Variants in KIAA0825 observed in about 807,000 individuals in gnomAD.
KIAA0825 encodes KIAA0825.
In KIAA0825, 119 loss-of-function variants were observed where a neutral mutation model predicts 147.6. The observed-to-expected ratio is 0.81, with a 90% CI of 0.69 to 0.94. The LOEUF (loss-of-function observed/expected upper bound fraction) is 0.94. Among genes scored for constraint, KIAA0825 ranks in the 40% least tolerant of loss-of-function variants. The pLI, the probability that KIAA0825 is intolerant of heterozygous loss-of-function variation, is 0.00. For synonymous variants in KIAA0825, 470 were observed against 518.1 expected (o/e 0.91, Z 1.26); for missense variants, 1,381 against 1,472.7 (o/e 0.94, Z 1.02).
chr5:94,293,105 A>G (rs983739636), intron 20 of KIAA0825, among the ~76,000 whole-genome samples: 23 of 149,936 alleles, frequency 1.5e-4, no homozygotes, highest in East Asian at 7.8e-4. Flanking sequence ...ACACGTCTCT[A>G]TCTCCTTCAG....
chr5:94,565,125 G>T (rs1778452316), intron 2 of KIAA0825, among the ~76,000 whole-genome samples: 1 of 58,860 alleles, frequency 1.7e-5, no homozygotes, highest in Admixed American at 1.6e-4. Context: ...GTAGAGATGA[G>T]GTCTCACACT....
At chr5:94,536,570 TATA>T (rs1469034598) in intron 3 of KIAA0825, among the ~76,000 whole-genome samples, 5 of 152,200 alleles carry the variant, frequency 3.3e-5, no homozygotes. Context: ...AACAACTCTC[TATA>T]AAGTCTCTAG....
intron 3 of KIAA0825, among the ~76,000 whole-genome samples, chr5:94,530,546 T>C (rs1031151452): frequency 2.6e-5 from 4 of 152,136 alleles, no homozygotes; most frequent in Non-Finnish European, 5.9e-5. Flanking sequence ...ATATTCCTAA[T>C]TATGGCATTC....
At chr5:94,554,491 G>T (rs1227106526) in intron 2 of KIAA0825, among the ~76,000 whole-genome samples, 5 of 151,388 alleles carry the variant, frequency 3.3e-5, no homozygotes, top group Non-Finnish European at 7.4e-5. Flanking sequence ...TTTTTATTTT[G>T]CCATTCATAT....
chr5:94,392,896 G>A (rs1397972608), intron 17 of KIAA0825, among the ~76,000 whole-genome samples: 4 of 151,998 alleles, frequency 2.6e-5, no homozygotes, highest in African/African-American at 7.3e-5. Context: ...ATATTCATTA[G>A]CTAGAGTAAA....
chr5:94,475,021 G>A lies in KIAA0825; in HGVS notation c.1228-1502C>T, dbSNP rs181872245. ...GGAGAATCGCTGGAACCTGGGAGGC[G>A]GAGGTTGCAGTGAGCCGAGATGGCA... is the stretch of plus-strand genomic sequence containing the variant. On this transcript the variant is annotated intron_variant, in intron 7 of 20. Coordinates refer to ENST00000682413, the MANE Select transcript of KIAA0825 (RefSeq NM_001145678.3). Among the ~76,000 whole-genome samples, 1,316 of 151,938 alleles carry A rather than the reference G, an allele frequency of 8.7e-3. 9 individuals carry two copies. The highest frequency in any genetic ancestry group is 0.022 in the South Asian group (104 of 4,808).
At chr5:94,166,581 C>A (rs540459394) in intron 20 of KIAA0825, among the ~76,000 whole-genome samples, 1 of 144,354 alleles carries the variant, frequency 6.9e-6, no homozygotes, top group Non-Finnish European at 1.5e-5. Flanking sequence ...GATCTCGGCT[C>A]ACTGCAAACT....
intron 20 of KIAA0825, among the ~76,000 whole-genome samples, chr5:94,232,547 G>A (rs1291167541): frequency 6.6e-6 from 1 of 151,888 alleles, no homozygotes; most frequent in Non-Finnish European, 1.5e-5. Context: ...TTTATGGAGG[G>A]ATTTTAATTT....
At chr5:94,500,231 A>T (rs1169063424) in intron 5 of KIAA0825, among the ~76,000 whole-genome samples, 1 of 152,176 alleles carries the variant, frequency 6.6e-6, no homozygotes, top group African/African-American at 2.4e-5. Flanking sequence ...AAGAGCTTTA[A>T]ATAGGGGAGT....
At chr5:94,430,264 T>C (rs1755489965) in intron 14 of KIAA0825, among the ~76,000 whole-genome samples, 1 of 152,216 alleles carries the variant, frequency 6.6e-6, no homozygotes, top group African/African-American at 2.4e-5. Flanking sequence ...TTTACCATTT[T>C]ATTTGCAGTC....
At chr5:94,448,577 T>G (rs561210172) in intron 13 of KIAA0825, among the ~76,000 whole-genome samples, 2 of 152,182 alleles carry the variant, frequency 1.3e-5, no homozygotes, top group Non-Finnish European at 2.9e-5. Flanking sequence ...AATAAATTAC[T>G]AAGTTCCTTC....
chr5:94,209,338 T>A (rs1322539151), intron 20 of KIAA0825, among the ~76,000 whole-genome samples: 2 of 152,202 alleles, frequency 1.3e-5, no homozygotes, highest in Non-Finnish European at 2.9e-5. Context: ...ATCTCTATTC[T>A]ACCAAAAACA....
chr5:94,182,555 C>T (rs1164821554), intron 20 of KIAA0825, among the ~76,000 whole-genome samples: 1 of 151,950 alleles, frequency 6.6e-6, no homozygotes, highest in Non-Finnish European at 1.5e-5. Flanking sequence ...CCACCATGCC[C>T]AGCCGTAAAT....
chr5:94,183,652 A>C (rs1455205865), intron 20 of KIAA0825, among the ~76,000 whole-genome samples: 1 of 152,136 alleles, frequency 6.6e-6, no homozygotes, highest in East Asian at 1.9e-4. Context: ...TATGTGATGA[A>C]ACCTCTATAA....
At chr5:94,612,956 ATT>A (rs1789300418) in intron 1 of KIAA0825, among the ~76,000 whole-genome samples, 1 of 152,206 alleles carries the variant, frequency 6.6e-6, no homozygotes, top group Non-Finnish European at 1.5e-5. Context: ...AGTTGATAGT[ATT>A]ACTTTACAGA....
At chr5:94,293,209 T>A (rs1483747215) in intron 20 of KIAA0825, among the ~76,000 whole-genome samples, 1 of 152,224 alleles carries the variant, frequency 6.6e-6, no homozygotes, top group African/African-American at 2.4e-5. Flanking sequence ...TGTTAGGGTA[T>A]CAATTTTAGA....
chr5:94,213,198 A>G (rs968189388), intron 20 of KIAA0825, among the ~76,000 whole-genome samples: 4 of 152,050 alleles, frequency 2.6e-5, no homozygotes, highest in African/African-American at 7.2e-5. Context: ...CTCCATCTCA[A>G]TGAATGACAG....
intron 20 of KIAA0825, among the ~76,000 whole-genome samples, chr5:94,345,913 G>C (rs941247280): frequency 6.6e-6 from 1 of 152,028 alleles, no homozygotes; most frequent in Non-Finnish European, 1.5e-5. Context: ...GAGCAAGCAG[G>C]GGGTACGTGA....
At chr5:94,549,717 AAAAAAC>A (rs1032288043) in intron 2 of KIAA0825, among the ~76,000 whole-genome samples, 1 of 152,182 alleles carries the variant, frequency 6.6e-6, no homozygotes, top group African/African-American at 2.4e-5. Context: ...ACTCCATCTC[AAAAAAC>A]AAAAACAAAA....
Sources: allele counts gnomAD v4.1 joint callset (sites outside exome capture counted in the v4.1 genomes callset), GRCh38; gene constraint gnomAD v4.1.1; transcripts MANE v1.5; gene names NCBI Gene and HGNC (gene_info 2026-07-23, HGNC 2026-07-21).